CLASRP: variants seen among roughly 807,000 people sequenced by gnomAD.
CLASRP encodes CLK4-associating serine/arginine rich protein.
A neutral mutation model predicts 99.9 loss-of-function variants in CLASRP; 52 were observed. That is an observed-to-expected ratio of 0.52 (90% CI 0.42 to 0.66). CLASRP has a LOEUF of 0.66. Ranked by LOEUF, CLASRP falls within the 30% of genes least tolerant of loss-of-function variation. The pLI is 0.00. For missense variants in CLASRP, 848 were observed against 999.2 expected (o/e 0.85, Z 2.04); for synonymous variants, 379 against 373.0 (o/e 1.02, Z -0.18).
At chr19:45,055,623 C>G (rs1193497739) in intron 5 of CLASRP, among the ~76,000 whole-genome samples, 1 of 152,126 alleles carries the variant, frequency 6.6e-6, no homozygotes, top group Non-Finnish European at 1.5e-5. Context: ...CACCTGAGGT[C>G]GGGAGTTCGA....
In CLASRP at chr19:45,064,592, C is replaced by G. The variant is rs773127840; in HGVS notation, c.1371C>G (p.Pro457=). 1 of 1,546,850 alleles carries G rather than the reference C, an allele frequency of 6.5e-7. No individual in the cohort carries two copies. The highest frequency in any genetic ancestry group is 2.4e-5 in the East Asian group (1 of 41,604). The part of the protein sequence containing the change: ...SRDGHRYSRS[P]ARRGGYGPRR... Reference sequence around the variant, plus strand: ...ACGGACACCGGTACTCCCGCTCGCCCGCCCGGCGTGGTGGTTACGGGCCCC... The same window carrying G: ...ACGGACACCGGTACTCCCGCTCGCCGGCCCGGCGTGGTGGTTACGGGCCCC... Residue 457 remains proline (P), a synonymous_variant, in exon 13 of 21, where the codon CCC becomes CCG. Coordinates refer to ENST00000221455, the MANE Select transcript of CLASRP (RefSeq NM_007056.3).
intron 7 of CLASRP, chr19:45,058,203 C>G (rs1188687271): frequency 1.0e-5 from 4 of 385,322 alleles, no homozygotes; most frequent in African/African-American, 2.0e-5. Flanking sequence ...CTCTCCTGCT[C>G]TCTTCCCTCC....
intron 6 of CLASRP, among the ~76,000 whole-genome samples, chr19:45,057,536 A>T (rs1410828289): frequency 6.6e-6 from 1 of 152,144 alleles, no homozygotes; most frequent in Non-Finnish European, 1.5e-5. Context: ...GACCCACCCT[A>T]GGGTACCAGT....
chr19:45,056,375 C>A, intron 5 of CLASRP, 75 bp from the exon 6 acceptor site: 1 of 1,344,914 alleles, frequency 7.4e-7, no homozygotes, highest in Non-Finnish European at 1.1e-6. Flanking sequence ...CCTGCCCCAC[C>A]GCACCCTTGT....
chr19:45,057,529 C>T (rs1283298384), intron 6 of CLASRP, among the ~76,000 whole-genome samples: 2 of 152,164 alleles, frequency 1.3e-5, no homozygotes, highest in African/African-American at 2.4e-5. Context: ...CAGTGCTGAC[C>T]CACCCTAGGG....
At chr19:45,066,210 C>G (rs1326184041) in intron 13 of CLASRP, among the ~76,000 whole-genome samples, 1 of 151,968 alleles carries the variant, frequency 6.6e-6, no homozygotes, top group South Asian at 2.1e-4. Flanking sequence ...ACCTCCTCCT[C>G]CTGGGTTCAA....
intron 2 of CLASRP, among the ~76,000 whole-genome samples, chr19:45,046,503 T>C (rs1397220857): frequency 1.3e-5 from 2 of 152,214 alleles, no homozygotes; most frequent in Non-Finnish European, 2.9e-5. Context: ...GTGTTCCCCC[T>C]GTGGGCCCCC....
chr19:45,069,942 A>G, intron 18 of CLASRP, 80 bp from the exon 19 acceptor site: 1 of 793,578 alleles, frequency 1.3e-6, no homozygotes, highest in Non-Finnish European at 2.3e-6. Context: ...TCCTCGGAGT[A>G]GGGTGTTGGA....
chr19:45,065,493 G>A (rs1333265161), intron 13 of CLASRP, among the ~76,000 whole-genome samples: 4 of 152,008 alleles, frequency 2.6e-5, no homozygotes, highest in South Asian at 4.1e-4. Flanking sequence ...CCCCGCAGGC[G>A]GAGGTTGCAG....
chr19:45,059,411 C>G, intron 8 of CLASRP, 47 bp downstream of exon 8: 4 of 1,445,614 alleles, frequency 2.8e-6, no homozygotes, highest in Non-Finnish European at 3.8e-6. Context: ...GGGCCCCACC[C>G]TGGCATCTCA....
Position 45,064,548 on chromosome 19 carries a change from T to C in CLASRP, c.1327T>C (p.Ser443Pro). 2 of 1,538,740 alleles carry C rather than the reference T, an allele frequency of 1.3e-6. No individual in the cohort carries two copies. Among genetic ancestry groups the C allele is most frequent in the Non-Finnish European group, 1.7e-6 (2 of 1,146,608 alleles). ...GTCCCGTAGCCGTGGCCGGCGGCAC[T>C]CAGGTGGGGGCTCCCGAGACGGACA... is the stretch of plus-strand genomic sequence containing the variant. ...SRSRSRGRRHSGGGSRDGHRY... is the reference protein window; with the variant it reads ...SRSRSRGRRHPGGGSRDGHRY... Residue 443 changes from serine to proline, a missense_variant, in exon 13 of 21, where the codon TCA (serine) becomes CCA (proline). By Grantham distance (74) the Ser-to-Pro change is moderately conservative. Coordinates refer to ENST00000221455, the MANE Select transcript of CLASRP (RefSeq NM_007056.3).
At chr19:45,041,509 C>G (rs1971813657) in intron 2 of CLASRP, among the ~76,000 whole-genome samples, 1 of 152,198 alleles carries the variant, frequency 6.6e-6, no homozygotes, top group African/African-American at 2.4e-5. Flanking sequence ...CACCTGTTTT[C>G]TAGGTTCAGT....
chr19:45,064,482 T>A lies in CLASRP; in HGVS notation c.1261T>A (p.Ser421Thr). 1 of 1,530,816 alleles carries A rather than the reference T, an allele frequency of 6.5e-7. No homozygotes were observed. Among genetic ancestry groups the A allele is most frequent in the Middle Eastern group, 1.8e-4 (1 of 5,508 alleles). The allele number at this position is 1,530,816 out of a possible 1,614,324, so 94.8% of individuals were successfully genotyped here. The change falls in exon 13 of 21, where the codon TCC becomes ACC. Residue 421 changes from serine (S) to threonine (T), a missense_variant. By Grantham distance (58) the Ser-to-Thr change is moderately conservative. Coordinates refer to ENST00000221455, the MANE Select transcript of CLASRP (RefSeq NM_007056.3). ...SGRHARSRSR[S>T]WSRSRSRSRR... ...CCGCCACGCCCGCTCCCGGTCCCGC[T>A]CCTGGTCCCGCTCCCGCTCCCGCTC... is the stretch of plus-strand genomic sequence containing the variant.
At position 45,064,070 on chromosome 19, in the gene CLASRP, C is replaced by A. The variant is rs759794192; in HGVS notation, c.964C>A (p.Arg322Ser). The A allele has an allele frequency of 6.2e-7, 1 of 1,612,350 alleles. No individual in the cohort carries two copies. Residue 322 changes from arginine to serine, a missense_variant, in exon 12 of 21, where the codon CGC becomes AGC. Arg to Ser is a moderately radical substitution (Grantham distance 110). Around this residue, in one of 8 missense-constraint regions of CLASRP, gnomAD observed 489 missense variants for 434.7 expected, o/e 1.12. Coordinates refer to ENST00000221455, the MANE Select transcript of CLASRP (RefSeq NM_007056.3). ...RSRSRSPTPG[R>S]EEKITFITSF... ...CCGCTCCCGCTCCCCGACCCCGGGC[C>A]GCGAGGAGAAGATCACGTTCATCAC...
At chr19:45,070,458 T>C (rs1036544383) in intron 19 of CLASRP, 79 bp from the exon 20 acceptor site, 1 of 1,316,572 alleles carries the variant, frequency 7.6e-7, no homozygotes, top group Non-Finnish European at 1.1e-6. Context: ...AGTTCAGTTT[T>C]GAGGACCTCA....
At chr19:45,063,925 T>G in intron 11 of CLASRP, 87 bp from the exon 12 acceptor site, 1 of 1,482,128 alleles carries the variant, frequency 6.7e-7, no homozygotes, top group East Asian at 2.5e-5. Context: ...TGGCCCGCGC[T>G]GGCGCTGCTG....
rs1007778059 is a variant in CLASRP at position 45,060,936 on chromosome 19, A to C, written c.863+309A>C. 6.6e-6 allele frequency among the ~76,000 whole-genome samples: 1 copy of C among 152,080 alleles called. No homozygotes were observed. The highest frequency in any genetic ancestry group is 2.4e-5 in the African/African-American group (1 of 41,420). ...AGAGAGGGCACAGGCTTTGCCCTGGACTCTCACCCAGTTCTGCTGCTTGGC... is the reference window on the plus strand; with the variant it reads ...AGAGAGGGCACAGGCTTTGCCCTGGCCTCTCACCCAGTTCTGCTGCTTGGC... On this transcript the variant is annotated intron_variant, in intron 10 of 20. Transcript: ENST00000221455. The surrounding 1 kb of genome is among the most constrained non-coding windows in gnomAD (Gnocchi z 4.6).
chr19:45,059,297 C>A lies in CLASRP; in HGVS notation c.643C>A (p.Gln215Lys), dbSNP rs1600106700. 1.2e-6 allele frequency: 2 copies of A among 1,610,412 alleles called. No homozygotes were observed. The highest frequency in any genetic ancestry group is 1.7e-6 in the Non-Finnish European group (2 of 1,178,330). ...DVEVDVDELN[Q>K]EQVADLNKQA... ...GGAGGTGGACGTGGATGAATTGAAC[C>A]AGGAGCAGGTGGCAGATCTCAACAA... is the stretch of plus-strand genomic sequence containing the variant. Residue 215 changes from glutamine to lysine, a missense_variant, in exon 8 of 21, where the codon CAG (glutamine) becomes AAG (lysine). Physicochemically the swap from Gln to Lys is moderately conservative, Grantham distance 53. Transcript: ENST00000221455.
intron 15 of CLASRP, 162 bp from the exon 16 acceptor site, chr19:45,068,258 C>A (rs914118811): frequency 2.1e-5 from 14 of 658,630 alleles, no homozygotes; most frequent in South Asian, 2.1e-4. Flanking sequence ...TGTCACTGAA[C>A]CTCTGGGAGC....
Sources: allele counts gnomAD v4.1 joint callset (sites outside exome capture counted in the v4.1 genomes callset), GRCh38; gene constraint gnomAD v4.1.1; regional missense constraint gnomAD v4.1.1; non-coding constraint Gnocchi (gnomAD v3.1); transcripts MANE v1.5; gene names NCBI Gene and HGNC (gene_info 2026-07-23, HGNC 2026-07-21).